NRG1: variants seen among roughly 807,000 people sequenced by gnomAD.
The protein encoded by NRG1 is pro-neuregulin-1, membrane-bound isoform.
In NRG1, 18 loss-of-function variants were observed where a neutral mutation model predicts 63.8. The observed-to-expected ratio is 0.28, with a 90% CI of 0.19 to 0.42. The LOEUF (loss-of-function observed/expected upper bound fraction) is 0.42. Among genes scored for constraint, NRG1 ranks in the 10% least tolerant of loss-of-function variants. NRG1 has a pLI of 1.00. For missense variants in NRG1, 762 were observed against 814.7 expected (o/e 0.94, Z 0.79); for synonymous variants, 302 against 301.3 (o/e 1.00, Z -0.02).
intron 1 of NRG1, among the ~76,000 whole-genome samples, chr8:32,437,488 T>G (rs970310114): frequency 1.3e-5 from 2 of 152,210 alleles, no homozygotes; most frequent in Non-Finnish European, 2.9e-5. Flanking sequence ...CCTGGCTCTA[T>G]GATCAGCTCT....
chr8:32,457,759 G>T (rs1224415464), intron 1 of NRG1, among the ~76,000 whole-genome samples: 3 of 151,968 alleles, frequency 2.0e-5, no homozygotes, highest in Non-Finnish European at 4.4e-5. Context: ...TTGTTTTGTT[G>T]TGTTTTATCA....
At chr8:32,274,381 G>A (rs889088245) in intron 1 of NRG1, among the ~76,000 whole-genome samples, 5 of 152,140 alleles carry the variant, frequency 3.3e-5, no homozygotes, top group Non-Finnish European at 2.9e-5. Context: ...GGTAAGTACG[G>A]GATAGGTGGA....
intron 5 of NRG1, among the ~76,000 whole-genome samples, chr8:32,629,240 G>T (rs1849835602): frequency 6.6e-6 from 1 of 152,086 alleles, no homozygotes; most frequent in South Asian, 2.1e-4. Flanking sequence ...TCAGATGTTA[G>T]ACTATCTTCT....
chr8:31,652,980 CT>C lies in NRG1; in HGVS notation c.37+13550del, dbSNP rs1563257940. 8.4e-4 allele frequency among the ~76,000 whole-genome samples: 47 copies of C among 55,624 alleles called. 2 individuals carry two copies. Among genetic ancestry groups the C allele is most frequent in the East Asian group, 5.4e-3 (12 of 2,202 alleles). 36.5% of individuals were successfully genotyped at this position (55,624 alleles called of 152,430 possible). Reference sequence around the variant, plus strand: ...CTCTCCTCTCCTCTCCTCTCCTCTCCTCTCCTCTCCTCTCCTCTCCTCTCCT... The same window carrying C: ...CTCTCCTCTCCTCTCCTCTCCTCTCCCTCCTCTCCTCTCCTCTCCTCTCCT... On this transcript the variant is annotated intron_variant, in intron 1 of 10. Transcript: ENST00000519301.
intron 1 of NRG1, among the ~76,000 whole-genome samples, chr8:32,586,195 G>A (rs1206645393): frequency 6.8e-6 from 1 of 148,118 alleles, no homozygotes; most frequent in Non-Finnish European, 1.5e-5. Context: ...ATGTGTATAT[G>A]TATACATTAC....
intron 1 of NRG1, among the ~76,000 whole-genome samples, chr8:31,866,523 A>T (rs1372552486): frequency 6.6e-6 from 1 of 152,166 alleles, no homozygotes; most frequent in Non-Finnish European, 1.5e-5. Flanking sequence ...AGAAACAGAG[A>T]CTCAGGACTG....
chr8:31,951,468 G>A (rs1803455587), intron 1 of NRG1, among the ~76,000 whole-genome samples: 1 of 152,342 alleles, frequency 6.6e-6, no homozygotes, highest in Admixed American at 6.5e-5. Context: ...GTCAATGGCT[G>A]AGATTGCAGT....
intron 1 of NRG1, among the ~76,000 whole-genome samples, chr8:31,739,789 T>C (rs1391525891): frequency 6.6e-6 from 1 of 152,130 alleles, no homozygotes; most frequent in Non-Finnish European, 1.5e-5. Flanking sequence ...ACTTTACTTC[T>C]TCTAGCTATT....
At chr8:32,377,997 T>C (rs1809841889) in intron 1 of NRG1, among the ~76,000 whole-genome samples, 2 of 152,180 alleles carry the variant, frequency 1.3e-5, no homozygotes, top group Non-Finnish European at 2.9e-5. Flanking sequence ...GAATATATTC[T>C]AGAAATTGTA....
At position 31,672,499 on chromosome 8, in the gene NRG1, G is replaced by T. The variant is rs146171497; in HGVS notation, c.37+33068G>T. ...AGGTGTTAGGATTTCTGAGGTTCTTGAACAAGAGCTGTTCCTGCTAGCTCA... is the reference window on the plus strand; with the variant it reads ...AGGTGTTAGGATTTCTGAGGTTCTTTAACAAGAGCTGTTCCTGCTAGCTCA... On this transcript the variant is annotated intron_variant, in intron 1 of 10. Coordinates refer to the NRG1 transcript ENST00000519301. Among the ~76,000 whole-genome samples, 72 of 152,234 alleles carry T rather than the reference G, an allele frequency of 4.7e-4. 1 individual carries two copies. In the South Asian group the frequency reaches 8.1e-3, roughly 17 times the overall value.
chr8:32,718,371 C>G (rs767788935), intron 5 of NRG1, among the ~76,000 whole-genome samples: 2 of 152,054 alleles, frequency 1.3e-5, no homozygotes, highest in Non-Finnish European at 2.9e-5. Context: ...TGAATATGAT[C>G]CCTATTCTTT....
chr8:32,137,954 A>C (rs1398072301), intron 1 of NRG1, among the ~76,000 whole-genome samples: 2 of 152,184 alleles, frequency 1.3e-5, no homozygotes, highest in African/African-American at 4.8e-5. Context: ...TAAATTTGCA[A>C]GTCACCTAAA....
intron 1 of NRG1, among the ~76,000 whole-genome samples, chr8:32,466,732 A>G (rs1317823272): frequency 6.6e-6 from 1 of 152,132 alleles, no homozygotes; most frequent in Non-Finnish European, 1.5e-5. Context: ...TCACTTGGTC[A>G]GTGTGTTTCA....
intron 6 of NRG1, among the ~76,000 whole-genome samples, chr8:32,738,367 T>A (rs1825602324): frequency 6.6e-6 from 1 of 151,878 alleles, no homozygotes; most frequent in African/African-American, 2.4e-5. Context: ...ATACTAAAAT[T>A]TTTAAAAACC....
chr8:32,690,572 C>T (rs1186169998), intron 5 of NRG1, among the ~76,000 whole-genome samples: 2 of 152,102 alleles, frequency 1.3e-5, no homozygotes, highest in African/African-American at 2.4e-5. Flanking sequence ...AGGCCTTGCT[C>T]CATTTTCTCT....
At chr8:31,816,314 C>T (rs796067926) in intron 1 of NRG1, among the ~76,000 whole-genome samples, 4 of 152,130 alleles carry the variant, frequency 2.6e-5, no homozygotes, top group African/African-American at 9.7e-5. Context: ...CATTTCTATC[C>T]TCTCTTCCGA....
At chr8:32,040,628 C>A (rs769615570) in intron 1 of NRG1, among the ~76,000 whole-genome samples, 1 of 145,326 alleles carries the variant, frequency 6.9e-6, no homozygotes, top group Non-Finnish European at 1.5e-5. Flanking sequence ...CATATATACA[C>A]GTATGTATGT....
At chr8:32,358,443 G>A (rs1457286692) in intron 1 of NRG1, among the ~76,000 whole-genome samples, 1 of 150,510 alleles carries the variant, frequency 6.6e-6, no homozygotes, top group Non-Finnish European at 1.5e-5. Flanking sequence ...CAGAGATGCT[G>A]TCCCTGAAGA....
At chr8:32,042,888 C>T (rs1006826406) in intron 1 of NRG1, among the ~76,000 whole-genome samples, 1 of 150,766 alleles carries the variant, frequency 6.6e-6, no homozygotes, top group African/African-American at 2.4e-5. Context: ...AACATAGCTT[C>T]AGGAAGCTGA....
Sources: gnomAD v4.1 joint callset for allele counts (sites outside exome capture counted in the v4.1 genomes callset) on GRCh38, gnomAD v4.1.1 for gene constraint, MANE v1.5 for transcripts, NCBI Gene and HGNC (gene_info 2026-07-23, HGNC 2026-07-21) for gene names.